The following PDE8B variants were observed in gnomAD, a reference collection of about 807,000 sequenced individuals.
PDE8B encodes high affinity cAMP-specific and IBMX-insensitive 3',5'-cyclic phosphodiesterase 8B.
PDE8B carries 26 observed loss-of-function variants against 101.3 expected under a neutral mutation model. That is an observed-to-expected ratio of 0.26 (90% CI 0.19 to 0.36). The LOEUF (loss-of-function observed/expected upper bound fraction) is 0.36. Ranked by LOEUF, PDE8B falls within the 10% of genes least tolerant of loss-of-function variation. The pLI, the probability that PDE8B is intolerant of heterozygous loss-of-function variation, is 1.00. For synonymous variants in PDE8B, 424 were observed against 429.3 expected (o/e 0.99, Z 0.15); for missense variants, 810 against 1,163.1 (o/e 0.70, Z 4.42).
At chr5:77,342,514 G>GT (rs34891839) in intron 6 of PDE8B, among the ~76,000 whole-genome samples, 1,776 of 146,930 alleles carry the variant, frequency 0.012, 34 homozygotes, top group African/African-American at 0.041. Context: ...ATTTTTCAGA[G>GT]TTTTTTTTTT....
intron 4 of PDE8B, 125 bp from the exon 5 acceptor site, chr5:77,331,277 C>T (rs771927632): frequency 6.2e-5 from 52 of 835,026 alleles, no homozygotes; most frequent in Admixed American, 2.2e-4. Flanking sequence ...CCCGTGGGCA[C>T]GTGCTCGTCA....
the PDE8B span, among the ~76,000 whole-genome samples, chr5:77,155,575 G>A: frequency 6.6e-6 from 1 of 152,186 alleles, no homozygotes; most frequent in African/African-American, 2.4e-5. Context: ...TGTATTTCCT[G>A]AGCTTGTGGT....
intron 9 of PDE8B, among the ~76,000 whole-genome samples, chr5:77,352,392 A>AT (rs1366398059): frequency 6.6e-6 from 1 of 152,238 alleles, no homozygotes; most frequent in Admixed American, 6.5e-5. Flanking sequence ...GAGACATGCT[A>AT]TTGCCTGGTA....
intron 10 of PDE8B, among the ~76,000 whole-genome samples, chr5:77,385,259 G>A (rs1229541208): frequency 3.9e-5 from 6 of 152,048 alleles, no homozygotes; most frequent in Non-Finnish European, 7.4e-5. Flanking sequence ...GTTTATTTGC[G>A]TAGAGGTATT....
In PDE8B at chr5:77,245,849, G is replaced by GC. The variant is rs1216183081; in HGVS notation, c.339+34597dup. ...TCTCCTATAACCTCCTCCCCCCCCC[G>GC]CCCCCCCCCCCCAACTTTTTGAGAT... On this transcript the variant is annotated intron_variant, in intron 1 of 21. Transcript: ENST00000264917. Among the ~76,000 whole-genome samples, 56 of 6,582 alleles carry GC rather than the reference G, an allele frequency of 8.5e-3. 5 individuals are homozygous for GC. The East Asian group carries it at 0.098, about 12-fold the overall frequency. 4.3% of individuals were successfully genotyped at this position (6,582 alleles called of 152,430 possible).
At chr5:77,423,105 TGTA>T (rs1263861407) in intron 20 of PDE8B, among the ~76,000 whole-genome samples, 4 of 152,204 alleles carry the variant, frequency 2.6e-5, no homozygotes, top group East Asian at 1.9e-4. Context: ...AGAAAGAACA[TGTA>T]GTATCTGGTT....
chr5:77,183,980 TAAA>T, the PDE8B span, among the ~76,000 whole-genome samples: 769 of 150,554 alleles, frequency 5.1e-3, 5 homozygotes, highest in African/African-American at 0.017. Context: ...TTTTTTTTTT[TAAA>T]AAAAAACAGA....
intron 1 of PDE8B, among the ~76,000 whole-genome samples, chr5:77,310,417 G>A (rs1772333397): frequency 6.6e-6 from 1 of 152,248 alleles, no homozygotes; most frequent in Non-Finnish European, 1.5e-5. Context: ...GTTGCTCTTG[G>A]GGCTGTGCCC....
Position 77,426,821 on chromosome 5 carries a change from G to C in PDE8B, c.*267G>C, listed in dbSNP as rs1482431721. On this transcript the variant is annotated 3_prime_UTR_variant, in exon 22 of 22. Transcript: ENST00000264917. ...CTCTGCTGTCATCCTGTGTACCCTTGTCAATCCATGGAGCTGGTTCACTGT... is the reference window on the plus strand; with the variant it reads ...CTCTGCTGTCATCCTGTGTACCCTTCTCAATCCATGGAGCTGGTTCACTGT... The C allele has an allele frequency of 2.4e-6, 1 of 413,628 alleles. No individual in the cohort carries two copies. Among genetic ancestry groups the C allele is most frequent in the East Asian group, 5.4e-5 (1 of 18,566 alleles). The allele number at this position is 413,628 out of a possible 1,614,324, so 25.6% of individuals were successfully genotyped here. A position where few individuals can be genotyped will look rare whatever the true frequency, so the allele number is the denominator to read the frequency against.
chr5:77,203,667 T>G, the PDE8B span, among the ~76,000 whole-genome samples: 4 of 152,224 alleles, frequency 2.6e-5, no homozygotes, highest in Admixed American at 2.6e-4. Context: ...CTATATAACC[T>G]TCATCACTAC....
chr5:77,416,369 C>A (rs575570636), intron 17 of PDE8B, among the ~76,000 whole-genome samples: 1 of 152,210 alleles, frequency 6.6e-6, no homozygotes, highest in African/African-American at 2.4e-5. Context: ...GTTTGGGCCC[C>A]GTGGGTTCTC....
At chr5:77,204,302 T>C in the PDE8B span, among the ~76,000 whole-genome samples, 7 of 151,672 alleles carry the variant, frequency 4.6e-5, no homozygotes, top group African/African-American at 1.7e-4. Context: ...TCCCAGCTAT[T>C]TGGGAGGCTG....
chr5:77,211,089 C>G lies in PDE8B; in HGVS notation c.164C>G (p.Pro55Arg), dbSNP rs1580329901. ...VQTDAADAIP[P>R]SRASGPPSVA... ...ACCGACGCCGCCGACGCCATCCCCC[C>G]GAGCCGCGCGTCGGGACCCCCCAGC... Residue 55 changes from proline to arginine, a missense_variant, in exon 1 of 22, where the codon CCG (proline) becomes CGG (arginine). This residue lies in a region of PDE8B where 159 missense variants were observed against 146.6 expected (regional missense o/e 1.08). Coordinates refer to ENST00000264917, the MANE Select transcript of PDE8B (RefSeq NM_003719.5). This position sits in a 1 kb window ranked among gnomAD's most constrained non-coding sequence, Gnocchi z 4.1. The G allele has an allele frequency of 2.0e-6, 3 of 1,495,266 alleles. No individual in the cohort carries two copies. The highest frequency in any genetic ancestry group is 1.9e-4 in the Middle Eastern group (1 of 5,376). 92.6% of individuals were successfully genotyped at this position (1,495,266 alleles called of 1,614,324 possible).
At chr5:77,376,042 G>A (rs959656665) in intron 10 of PDE8B, among the ~76,000 whole-genome samples, 5 of 152,004 alleles carry the variant, frequency 3.3e-5, no homozygotes, top group Non-Finnish European at 7.4e-5. Flanking sequence ...ACAGGCATGT[G>A]CCACCACGCC....
rs569269998 is a variant in PDE8B, at chr5:77,412,496, A to C, written c.1712+261A>C. On this transcript the variant is annotated intron_variant, in intron 16 of 21. Coordinates refer to ENST00000264917, the MANE Select transcript of PDE8B (RefSeq NM_003719.5). ...TTGTGCTAGTGAGCCAAGAGTTCTA[A>C]GAATCCTCAAACTTGTCGAAGCTCT... Among the ~76,000 whole-genome samples the C allele has an allele frequency of 5.3e-5, 8 of 152,162 alleles. No individual in the cohort carries two copies. In the South Asian group the frequency reaches 1.7e-3, roughly 32 times the overall value.
intron 1 of PDE8B, among the ~76,000 whole-genome samples, chr5:77,277,503 G>T (rs1764077980): frequency 6.6e-6 from 1 of 152,098 alleles, no homozygotes; most frequent in Non-Finnish European, 1.5e-5. Flanking sequence ...TTATTTGGTG[G>T]GGATTTTACT....
At chr5:77,372,889 G>A (rs930464307) in intron 10 of PDE8B, among the ~76,000 whole-genome samples, 3 of 152,226 alleles carry the variant, frequency 2.0e-5, no homozygotes, top group African/African-American at 4.8e-5. Context: ...TTAGCTGGGT[G>A]TAGCGGCGTG....
chr5:77,291,923 C>G (rs755700955), intron 1 of PDE8B: 21 of 823,128 alleles, frequency 2.6e-5, no homozygotes, highest in Non-Finnish European at 3.8e-5. Context: ...AGTGACTAAT[C>G]CCCCTATGAC....
At chr5:77,343,711 G>A (rs1419282424) in intron 6 of PDE8B, among the ~76,000 whole-genome samples, 4 of 152,018 alleles carry the variant, frequency 2.6e-5, no homozygotes, top group Non-Finnish European at 5.9e-5. Context: ...TAGTAAATTA[G>A]CCTTAGCTTA....
Sources: allele counts gnomAD v4.1 joint callset (sites outside exome capture counted in the v4.1 genomes callset), GRCh38; gene constraint gnomAD v4.1.1; regional missense constraint gnomAD v4.1.1; non-coding constraint Gnocchi (gnomAD v3.1); transcripts MANE v1.5; gene names NCBI Gene and HGNC (gene_info 2026-07-23, HGNC 2026-07-21).